Variants in MTRF1 observed in about 807,000 individuals in gnomAD.
The protein encoded by MTRF1 is peptide chain release factor 1, mitochondrial.
In MTRF1, 51 loss-of-function variants were observed where a neutral mutation model predicts 62.9. The observed-to-expected ratio is 0.81, with a 90% CI of 0.65 to 1.02. MTRF1 has a LOEUF of 1.02. MTRF1 is among the 50% of genes least tolerant of loss of function. MTRF1 has a pLI of 0.00. For synonymous variants in MTRF1, 158 were observed against 181.9 expected, an observed-to-expected ratio of 0.87 and a Z score of 1.06; for missense variants, 446 against 530.0, an observed-to-expected ratio of 0.84 and a Z score of 1.56.
At chr13:41,236,880 C>A (rs1032123716) in intron 6 of MTRF1, among the ~76,000 whole-genome samples, 19 of 152,048 alleles carry the variant, frequency 1.2e-4, no homozygotes, top group African/African-American at 4.6e-4. Context: ...TAACCTTGTA[C>A]TTTTAGAATA....
At chr13:41,299,909 C>T in the MTRF1 span, among the ~76,000 whole-genome samples, 7 of 152,178 alleles carry the variant, frequency 4.6e-5, no homozygotes, top group African/African-American at 1.7e-4. Flanking sequence ...AAACTCCTAC[C>T]GAACAGTAGA....
chr13:41,302,520 C>G, the MTRF1 span, among the ~76,000 whole-genome samples: 1 of 151,344 alleles, frequency 6.6e-6, no homozygotes, highest in African/African-American at 2.4e-5. Flanking sequence ...CACACTAGAT[C>G]TGGATTTTTT....
At chr13:41,265,329 G>C (rs1044388072), upstream of MTRF1, among the ~76,000 whole-genome samples, 1 of 151,700 alleles carries the variant, frequency 6.6e-6, no homozygotes, top group East Asian at 1.9e-4. Flanking sequence ...GCTGAGGCAG[G>C]AGAATCGCTT....
At chr13:41,280,248 C>T in the MTRF1 span, among the ~76,000 whole-genome samples, 4 of 152,232 alleles carry the variant, frequency 2.6e-5, no homozygotes, top group South Asian at 8.3e-4. Context: ...AATCCTTTAT[C>T]TTAACCTAAA....
intron 7 of MTRF1, among the ~76,000 whole-genome samples, chr13:41,229,918 T>C (rs577678226): frequency 8.7e-4 from 132 of 152,176 alleles, no homozygotes; most frequent in African/African-American, 3.1e-3. Flanking sequence ...CTGGCCAACA[T>C]GGTGAAACTA....
At chr13:41,289,079 T>C in the MTRF1 span, among the ~76,000 whole-genome samples, 21 of 152,058 alleles carry the variant, frequency 1.4e-4, no homozygotes, top group Non-Finnish European at 4.4e-5. Context: ...TGAAGCAAAT[T>C]GGAAAGGTGA....
intron 1 of MTRF1, among the ~76,000 whole-genome samples, chr13:41,262,838 T>C (rs539392725): frequency 6.6e-6 from 1 of 152,294 alleles, no homozygotes; most frequent in African/African-American, 2.4e-5. Flanking sequence ...CTTTACTGTC[T>C]CCAGTGATCC....
chr13:41,227,371 T>G (rs911739057), intron 7 of MTRF1, among the ~76,000 whole-genome samples: 3 of 152,114 alleles, frequency 2.0e-5, no homozygotes, highest in Admixed American at 2.0e-4. Flanking sequence ...AAGAAGAATT[T>G]ATAGTGAATG....
At chr13:41,221,297 C>G (rs903400076) in intron 9 of MTRF1, among the ~76,000 whole-genome samples, 1 of 151,974 alleles carries the variant, frequency 6.6e-6, no homozygotes, top group Non-Finnish European at 1.5e-5. Context: ...GCTGGGACTA[C>G]AGGTGCCCAC....
intron 9 of MTRF1, chr13:41,220,521 A>C (rs1469224947): frequency 2.3e-5 from 27 of 1,164,284 alleles, no homozygotes; most frequent in Non-Finnish European, 3.0e-5. Flanking sequence ...TCGATAAATA[A>C]AAGTAAGAAA....
At chr13:41,274,253 T>C in the MTRF1 span, among the ~76,000 whole-genome samples, 1 of 152,350 alleles carries the variant, frequency 6.6e-6, no homozygotes, top group African/African-American at 2.4e-5. Context: ...TAATTATAAC[T>C]ATATTTCTGT....
At chr13:41,237,022 C>G (rs1453708634) in intron 6 of MTRF1, among the ~76,000 whole-genome samples, 1 of 151,894 alleles carries the variant, frequency 6.6e-6, no homozygotes, top group Non-Finnish European at 1.5e-5. Flanking sequence ...GGTTCAAGAC[C>G]AGCCTGAGCA....
At chr13:41,259,687 G>A (rs9566733) in intron 2 of MTRF1, among the ~76,000 whole-genome samples, 2 of 26,210 alleles carry the variant, frequency 7.6e-5, no homozygotes, top group African/African-American at 2.3e-4. Flanking sequence ...GGGCGACAGA[G>A]CGAGACTCCG....
rs748253303 is a variant in MTRF1, at chr13:41,240,345, G to A, written c.786C>T (p.Arg262=). Residue 262 remains arginine (R), a synonymous_variant, in exon 6 of 10, where the codon CGC becomes CGT. Transcript: ENST00000379480. ...KYEGGIHRVQ[R]IPEVGLSSRM... ...TTGAGGACAGGCCCACCTCGGGGATGCGCTGAACTCGGTGAATCCCACCCT... is the reference window on the plus strand; with the variant it reads ...TTGAGGACAGGCCCACCTCGGGGATACGCTGAACTCGGTGAATCCCACCCT... 1.9e-6 allele frequency: 3 copies of A among 1,614,008 alleles called. No homozygotes were observed. Among genetic ancestry groups the A allele is most frequent in the East Asian group, 4.5e-5 (2 of 44,872 alleles).
At chr13:41,252,889 A>T in intron 4 of MTRF1, 60 bp downstream of exon 4, 2 of 1,403,026 alleles carry the variant, frequency 1.4e-6, no homozygotes, top group Non-Finnish European at 2.0e-6. Context: ...TAGTGTTATC[A>T]AATAAGGTAA....
Position 41,240,322 on chromosome 13 carries a change from G to C in MTRF1, c.809C>G (p.Ser270Ter). 1 of 1,613,782 alleles carries C rather than the reference G, an allele frequency of 6.2e-7. No homozygotes were observed. The highest frequency in any genetic ancestry group is 8.5e-7 in the Non-Finnish European group (1 of 1,179,844). Reference protein sequence around the residue: ...VQRIPEVGLSSRMQRIHTGTM... With the variant: ...VQRIPEVGLS Reference sequence around the variant, plus strand: ...TCCTGTGTGAATGCGCTGCATCCTTGAGGACAGGCCCACCTCGGGGATGCG... The same window carrying C: ...TCCTGTGTGAATGCGCTGCATCCTTCAGGACAGGCCCACCTCGGGGATGCG... Residue 270 changes from serine (S) to a stop codon, truncating the protein, a stop_gained, in exon 6 of 10, where the codon TCA becomes TGA. Coordinates refer to ENST00000379480, the MANE Select transcript of MTRF1 (RefSeq NM_004294.4). LOFTEE classifies it high-confidence loss of function.
chr13:41,300,585 CAA>C, the MTRF1 span, among the ~76,000 whole-genome samples: 14 of 75,422 alleles, frequency 1.9e-4, no homozygotes, highest in Non-Finnish European at 1.4e-4. Context: ...GACTCCGTCT[CAA>C]AAAAAAAAAA....
At chr13:41,246,715 CAG>C (rs2038305545) in intron 5 of MTRF1, among the ~76,000 whole-genome samples, 1 of 152,194 alleles carries the variant, frequency 6.6e-6, no homozygotes, top group Non-Finnish European at 1.5e-5. Context: ...GGAACTAAAA[CAG>C]AGTGATGCCA....
At chr13:41,287,864 T>C in the MTRF1 span, 1 of 333,126 alleles carries the variant, frequency 3.0e-6, no homozygotes, top group South Asian at 3.0e-5. Context: ...TCAGGTATTT[T>C]AAAGCGCCAA....
Sources: gnomAD v4.1 joint callset for allele counts (sites outside exome capture counted in the v4.1 genomes callset) on GRCh38, gnomAD v4.1.1 for gene constraint, MANE v1.5 for transcripts, NCBI Gene and HGNC (gene_info 2026-07-23, HGNC 2026-07-21) for gene names.